MCMBP: variants seen among roughly 807,000 people sequenced by gnomAD.
MCMBP encodes mini-chromosome maintenance complex-binding protein.
Under a neutral mutation model 81.3 loss-of-function variants are expected in MCMBP, and 31 were observed. The observed-to-expected ratio is 0.38, with a 90% CI of 0.29 to 0.51. The LOEUF (loss-of-function observed/expected upper bound fraction) is 0.51, where lower values mean the gene tolerates loss of function less well. Among genes scored for constraint, MCMBP ranks in the 20% least tolerant of loss-of-function variants. MCMBP has a pLI of 0.87. For synonymous variants in MCMBP, 267 were observed against 275.9 expected (o/e 0.97, Z 0.32); for missense variants, 645 against 772.1 (o/e 0.84, Z 1.95).
intron 1 of MCMBP, among the ~76,000 whole-genome samples, chr10:119,871,036 C>A (rs1202446335): frequency 6.6e-6 from 1 of 152,158 alleles, no homozygotes; most frequent in Non-Finnish European, 1.5e-5. Flanking sequence ...AATATGAAAT[C>A]ATCTCATTTA....
At chr10:119,853,271 A>G in intron 5 of MCMBP, 77 bp from the exon 6 acceptor site, 2 of 1,439,770 alleles carry the variant, frequency 1.4e-6, no homozygotes, top group Non-Finnish European at 1.9e-6. Flanking sequence ...TGACTTATAA[A>G]AAATTACTAG....
At chr10:119,871,552 ATACCATACATTG>A (rs1238653905) in intron 1 of MCMBP, among the ~76,000 whole-genome samples, 1 of 152,176 alleles carries the variant, frequency 6.6e-6, no homozygotes, top group Non-Finnish European at 1.5e-5. Flanking sequence ...CCTATAAGAA[ATACCATACATTG>A]TTTGCCGTCG....
At chr10:119,871,036 C>T (rs1202446335) in intron 1 of MCMBP, among the ~76,000 whole-genome samples, 1 of 152,158 alleles carries the variant, frequency 6.6e-6, no homozygotes, top group Non-Finnish European at 1.5e-5. Context: ...AATATGAAAT[C>T]ATCTCATTTA....
At chr10:119,862,332 G>T (rs113490324) in intron 1 of MCMBP, among the ~76,000 whole-genome samples, 247 of 151,900 alleles carry the variant, frequency 1.6e-3, no homozygotes, top group Non-Finnish European at 2.4e-3. Context: ...CCTCCACCAC[G>T]CAAAAAGAAA....
At chr10:119,833,545 G>GTGCACACCTATGGTCCCAGCT (rs1852126996) in intron 14 of MCMBP, among the ~76,000 whole-genome samples, 1 of 151,946 alleles carries the variant, frequency 6.6e-6, no homozygotes, top group Non-Finnish European at 1.5e-5. Flanking sequence ...GGGCATGGTG[G>GTGCACACCTATGGTCCCAGCT]TGCACACCTA....
intron 15 of MCMBP, 56 bp from the exon 16 acceptor site, chr10:119,831,656 AT>A (rs910536434): frequency 8.8e-6 from 14 of 1,585,536 alleles, no homozygotes; most frequent in Admixed American, 1.8e-5. Context: ...TAAGTTTTAA[AT>A]TTTTTTTAAG....
chr10:119,857,448 T>C lies in MCMBP; in HGVS notation c.328-9A>G, dbSNP rs376330302. On this transcript the variant is annotated splice_polypyrimidine_tract_variant and intron_variant, in intron 4 of 15. Coordinates refer to ENST00000369077, the MANE Select transcript of MCMBP (RefSeq NM_001256378.2). ...TCAAGTTCTTGTTGAGGCTGTGATA[T>C]ACATAAAAAGTGTTTTTAAAAATTT... 15 of 1,569,286 alleles carry C rather than the reference T, an allele frequency of 9.6e-6. No individual in the cohort carries two copies. In the African/African-American group the frequency reaches 1.5e-4, roughly 16 times the overall value.
chr10:119,838,710 GAAATTTTTTAGTGAACAAGAATTT>G lies in MCMBP; in HGVS notation c.1243-34_1243-11del, dbSNP rs773796137. ...TCTGCAGACGAAAAGACTGCAAAGA[GAAATTTTTTAGTGAACAAGAATTT>G]AAGTTTCCCTGTTTTAAGAAAATAT... On this transcript the variant is annotated splice_polypyrimidine_tract_variant and intron_variant, in intron 11 of 15. Transcript: ENST00000369077. 6.3e-7 allele frequency: 1 copy of G among 1,584,208 alleles called. No homozygotes were observed. Among genetic ancestry groups the G allele is most frequent in the Non-Finnish European group, 8.6e-7 (1 of 1,159,356 alleles).
Position 119,857,455 on chromosome 10 carries a change from A to ATTTTT in MCMBP, c.328-17_328-16insAAAAA. 1 of 1,533,052 alleles carries ATTTTT rather than the reference A, an allele frequency of 6.5e-7. No homozygotes were observed. Among genetic ancestry groups the ATTTTT allele is most frequent in the Non-Finnish European group, 8.8e-7 (1 of 1,135,566 alleles). 95.0% of individuals were successfully genotyped at this position (1,533,052 alleles called of 1,614,324 possible). On this transcript the variant is annotated splice_polypyrimidine_tract_variant and intron_variant, in intron 4 of 15. Coordinates refer to ENST00000369077, the MANE Select transcript of MCMBP (RefSeq NM_001256378.2). Reference sequence around the variant, plus strand: ...CTTGTTGAGGCTGTGATATACATAAAAAGTGTTTTTAAAAATTTACTTTAA... The same window carrying ATTTTT: ...CTTGTTGAGGCTGTGATATACATAAATTTTTAAGTGTTTTTAAAAATTTACTTTAA...
chr10:119,837,327 C>T (rs1369841106), intron 12 of MCMBP, among the ~76,000 whole-genome samples: 3 of 152,052 alleles, frequency 2.0e-5, no homozygotes, highest in Non-Finnish European at 4.4e-5. Context: ...ATTTACAGGG[C>T]TAAACCAAGG....
At position 119,838,633 on chromosome 10, in the gene MCMBP, G is replaced by C; in HGVS notation, c.1310C>G (p.Thr437Arg). 1 of 1,614,128 alleles carries C rather than the reference G, an allele frequency of 6.2e-7. No individual in the cohort carries two copies. Among genetic ancestry groups the C allele is most frequent in the Non-Finnish European group, 8.5e-7 (1 of 1,179,978 alleles). The change falls in exon 12 of 16, where the codon ACA becomes AGA. Residue 437 changes from threonine (T) to arginine (R), a missense_variant. Transcript: ENST00000369077. ...GAGCCCACTGACCAAGCGATTGGCT[G>C]TGTAGTCTTTGTGGGGAATGAATTT... The part of the protein sequence containing the change: ...HLKFIPHKDY[T>R]ANRLVSGLLQ...
chr10:119,839,060 A>G (rs1564872318), intron 11 of MCMBP, among the ~76,000 whole-genome samples: 1 of 152,222 alleles, frequency 6.6e-6, no homozygotes, highest in Non-Finnish European at 1.5e-5. Flanking sequence ...TGTTAATTTT[A>G]CTCTTCAAGA....
rs1852737770 is a variant in MCMBP at position 119,849,612 on chromosome 10, C to T, written c.575-36G>A. 4.0e-6 allele frequency: 6 copies of T among 1,517,092 alleles called. No homozygotes were observed. The South Asian group carries it at 7.9e-5, about 20-fold the overall frequency. 94.0% of individuals were successfully genotyped at this position (1,517,092 alleles called of 1,614,324 possible). A position where few individuals can be genotyped will look rare whatever the true frequency, so the allele number is the denominator to read the frequency against. On this transcript the variant is annotated intron_variant, in intron 6 of 15. Transcript: ENST00000369077. Reference sequence around the variant, plus strand: ...AGGATAGCATTGCACTTAGTCATTTCTAAGGCCTCCTGGAGAAAAAGAACA... The same window carrying T: ...AGGATAGCATTGCACTTAGTCATTTTTAAGGCCTCCTGGAGAAAAAGAACA...
chr10:119,856,642 A>C (rs1250335751), intron 5 of MCMBP, among the ~76,000 whole-genome samples: 2 of 152,206 alleles, frequency 1.3e-5, no homozygotes, highest in African/African-American at 4.8e-5. Context: ...ATCACTGTGC[A>C]TTACCTTAAA....
intron 5 of MCMBP, 103 bp downstream of exon 5, chr10:119,857,235 A>T: frequency 1.3e-6 from 1 of 796,788 alleles, no homozygotes; most frequent in Non-Finnish European, 2.0e-6. Flanking sequence ...AACAAATGAA[A>T]CACACTTTAT....
Position 119,831,400 on chromosome 10 carries a change from G to T in MCMBP, c.*74C>A. On this transcript the variant is annotated 3_prime_UTR_variant, in exon 16 of 16. Transcript: ENST00000369077. ...ATAGAAATTACCTATAAAACAATGT[G>T]GTATAAATGAATATCTGAATTTTAC... is the stretch of plus-strand genomic sequence containing the variant. The T allele has an allele frequency of 6.4e-7, 1 of 1,550,728 alleles. No homozygotes were observed.
intron 14 of MCMBP, among the ~76,000 whole-genome samples, chr10:119,833,923 G>A (rs969626104): frequency 2.0e-5 from 3 of 152,042 alleles, no homozygotes; most frequent in Non-Finnish European, 4.4e-5. Flanking sequence ...TTAGAAGAAG[G>A]AAATAAAAAT....
intron 5 of MCMBP, among the ~76,000 whole-genome samples, chr10:119,855,634 GCACTC>G (rs1853010761): frequency 6.6e-6 from 1 of 151,952 alleles, no homozygotes; most frequent in Non-Finnish European, 1.5e-5. Flanking sequence ...TTGTGCCACT[GCACTC>G]CAGCTTGGGT....
At chr10:119,862,196 A>G (rs1853281960) in intron 1 of MCMBP, among the ~76,000 whole-genome samples, 1 of 152,128 alleles carries the variant, frequency 6.6e-6, no homozygotes, top group Admixed American at 6.5e-5. Flanking sequence ...AATCCCAGCT[A>G]CTTGGGAGGC....
Sources: gnomAD v4.1 joint callset for allele counts (sites outside exome capture counted in the v4.1 genomes callset) on GRCh38, gnomAD v4.1.1 for gene constraint, MANE v1.5 for transcripts, NCBI Gene and HGNC (gene_info 2026-07-23, HGNC 2026-07-21) for gene names.